Variants in HYAL1 observed in about 807,000 individuals in gnomAD.
The protein encoded by HYAL1 is hyaluronidase-1.
HYAL1 carries 21 observed loss-of-function variants against 28.8 expected under a neutral mutation model. The observed-to-expected ratio is 0.73, with a 90% CI of 0.52 to 1.05. The LOEUF (loss-of-function observed/expected upper bound fraction) is 1.05. Among genes scored for constraint, HYAL1 ranks in the 50% least tolerant of loss-of-function variants. The pLI is 0.00. For synonymous variants in HYAL1, 200 were observed against 230.1 expected (o/e 0.87, Z 1.18); for missense variants, 491 against 579.2 (o/e 0.85, Z 1.56).
At chr3:50,311,877 G>A (rs1307969988) in intron 1 of HYAL1, among the ~76,000 whole-genome samples, 14 of 149,054 alleles carry the variant, frequency 9.4e-5, no homozygotes, top group South Asian at 6.3e-4. Context: ...CGGACGGGGC[G>A]GCTGGCCGGG....
chr3:50,301,774 A>C (rs1553712966), intron 2 of HYAL1, among the ~76,000 whole-genome samples: 1 of 152,096 alleles, frequency 6.6e-6, no homozygotes, highest in Non-Finnish European at 1.5e-5. Flanking sequence ...AACACAGTGA[A>C]ACCCTGACTC....
At chr3:50,311,651 C>T (rs1394431284) in intron 1 of HYAL1, among the ~76,000 whole-genome samples, 8 of 136,750 alleles carry the variant, frequency 5.9e-5, no homozygotes, top group South Asian at 2.2e-4. Flanking sequence ...CCGGATGGGG[C>T]GGCTGGCCGG....
At chr3:50,303,008 A>T in intron 1 of HYAL1, 28 bp from the exon 2 acceptor site, 1 of 1,503,006 alleles carries the variant, frequency 6.7e-7, no homozygotes, top group Non-Finnish European at 8.9e-7. Flanking sequence ...AGCTGAGAAC[A>T]GGTTGCAAAG....
intron 1 of HYAL1, among the ~76,000 whole-genome samples, chr3:50,311,905 C>A (rs1234301555): frequency 2.0e-4 from 29 of 144,650 alleles, no homozygotes; most frequent in South Asian, 4.2e-4. Context: ...CTGATCCCCC[C>A]TCCCCTCACG....
chr3:50,309,942 C>T (rs1385094941), intron 1 of HYAL1, among the ~76,000 whole-genome samples: 1 of 151,434 alleles, frequency 6.6e-6, no homozygotes, highest in Non-Finnish European at 1.5e-5. Context: ...TGAGATTCCT[C>T]TTATGGGACA....
intron 1 of HYAL1, among the ~76,000 whole-genome samples, chr3:50,311,840 G>A (rs1303548985): frequency 4.7e-5 from 7 of 147,978 alleles, no homozygotes; most frequent in East Asian, 2.1e-4. Context: ...CTGGCCAGGC[G>A]GGGGGCTGAC....
chr3:50,304,508 G>A (rs1702297390), upstream of HYAL1, among the ~76,000 whole-genome samples: 1 of 149,912 alleles, frequency 6.7e-6, no homozygotes, highest in Non-Finnish European at 1.5e-5. Flanking sequence ...CACTGAGGCA[G>A]GAGGAGTGCT....
At chr3:50,309,393 A>C (rs138638467) in intron 2 of HYAL1, among the ~76,000 whole-genome samples, 2,003 of 148,718 alleles carry the variant, frequency 0.013, 134 homozygotes, top group African/African-American at 0.048. Flanking sequence ...GAACCTGGGA[A>C]GCAGAGGTGG....
At chr3:50,312,045 C>T (rs1415051285) in intron 1 of HYAL1, among the ~76,000 whole-genome samples, 3 of 134,194 alleles carry the variant, frequency 2.2e-5, no homozygotes, top group East Asian at 2.3e-4. Flanking sequence ...CCCTCCCGGA[C>T]GGGGCGGCTG....
upstream of HYAL1, chr3:50,303,604 AG>A (rs1185165839): frequency 6.6e-6 from 1 of 152,342 alleles, no homozygotes; most frequent in East Asian, 1.9e-4. Flanking sequence ...GAGCTTTTGT[AG>A]GGGGTCACCC....
chr3:50,308,919 C>T (rs1553714393), intron 2 of HYAL1, among the ~76,000 whole-genome samples: 2 of 144,888 alleles, frequency 1.4e-5, no homozygotes, highest in African/African-American at 5.3e-5. Flanking sequence ...TTAGTAGAGA[C>T]AGAGTTTCAG....
chr3:50,303,132 A>G, intron 1 of HYAL1, 152 bp from the exon 2 acceptor site: 2 of 626,372 alleles, frequency 3.2e-6, no homozygotes, highest in Non-Finnish European at 5.4e-6. Context: ...GGCAGGGGAG[A>G]CGCATGGAGG....
intron 1 of HYAL1, among the ~76,000 whole-genome samples, chr3:50,311,843 G>C (rs1553714889): frequency 6.8e-6 from 1 of 147,164 alleles, no homozygotes; most frequent in African/African-American, 2.5e-5. Flanking sequence ...GCCAGGCGGG[G>C]GGCTGACCCC....
chr3:50,311,364 G>A (rs1575524525), intron 1 of HYAL1, among the ~76,000 whole-genome samples: 1 of 142,964 alleles, frequency 7.0e-6, no homozygotes, highest in Non-Finnish European at 1.5e-5. Flanking sequence ...CGGGCAGAGG[G>A]GCTCCTCACT....
upstream of HYAL1, among the ~76,000 whole-genome samples, chr3:50,308,021 T>C (rs1396349533): frequency 9.9e-5 from 15 of 151,248 alleles, 1 homozygote; most frequent in African/African-American, 3.2e-4. Context: ...GGTCTTGATC[T>C]CCTGACCTCG....
chr3:50,303,028 C>G, intron 1 of HYAL1, 48 bp from the exon 2 acceptor site: 1 of 1,405,308 alleles, frequency 7.1e-7, no homozygotes, highest in Non-Finnish European at 9.6e-7. Flanking sequence ...GTCTCCGATT[C>G]CCCCACTGCT....
intron 1 of HYAL1, among the ~76,000 whole-genome samples, chr3:50,311,744 C>T (rs1269514286): frequency 2.2e-3 from 304 of 140,790 alleles, no homozygotes; most frequent in Middle Eastern, 4.6e-3. Context: ...CCCTCACGGA[C>T]GGGGCGGCTG....
chr3:50,300,908 G>A (rs959452702), intron 3 of HYAL1, 80 bp downstream of exon 3: 5 of 1,506,710 alleles, frequency 3.3e-6, no homozygotes, highest in African/African-American at 2.7e-5. Flanking sequence ...CAGGTAGAAA[G>A]GGTAAGTCAG....
chr3:50,300,779 C>A lies in HYAL1; in HGVS notation c.1012G>T (p.Glu338Ter). 1 of 1,613,926 alleles carries A rather than the reference C, an allele frequency of 6.2e-7. No homozygotes were observed. The highest frequency in any genetic ancestry group is 8.5e-7 in the Non-Finnish European group (1 of 1,179,956). Residue 338 changes from glutamate (E) to a stop codon, truncating the protein, a stop_gained, in exon 4 of 4, where the codon GAG (glutamate) becomes TAG (stop). Coordinates refer to ENST00000395144, the MANE Select transcript of HYAL1 (RefSeq NM_033159.4). LOFTEE classifies it low-confidence loss of function (END_TRUNC). ...GGCCCCAGTGTAGTGTCCATATACT[C>A]CTTGATGGCCTGACATGATTCCTAG... ...RTKESCQAIK[E>*]YMDTTLGPFI... is the part of the protein sequence containing the mutation.
Sources: gnomAD v4.1 joint callset for allele counts (sites outside exome capture counted in the v4.1 genomes callset) on GRCh38, gnomAD v4.1.1 for gene constraint, MANE v1.5 for transcripts, NCBI Gene and HGNC (gene_info 2026-07-23, HGNC 2026-07-21) for gene names.